Variants in BYSL observed in about 807,000 individuals in gnomAD.
BYSL encodes the protein bystin.
A neutral mutation model predicts 45.4 loss-of-function variants in BYSL; 21 were observed. The ratio of observed to expected loss-of-function variants is 0.46; its 90% CI spans 0.33 to 0.67. The LOEUF (loss-of-function observed/expected upper bound fraction) is 0.67, where lower values mean the gene tolerates loss of function less well. Ranked by LOEUF, BYSL falls within the 30% of genes least tolerant of loss-of-function variation. The pLI, the probability that BYSL is intolerant of heterozygous loss-of-function variation, is 0.02. For missense variants in BYSL, 522 were observed against 578.5 expected (o/e 0.90, Z 1.00); for synonymous variants, 215 against 231.3 (o/e 0.93, Z 0.64).
At chr6:41,916,991 A>T, upstream of BYSL, 1 of 1,600,270 alleles carries the variant, frequency 6.2e-7, no homozygotes, top group Non-Finnish European at 8.5e-7. Flanking sequence ...ACGTGTGCTC[A>T]CTGAGCCATT....
At chr6:41,921,053 T>C (rs772445089), upstream of BYSL, 19 of 1,609,242 alleles carry the variant, frequency 1.2e-5, no homozygotes, top group South Asian at 4.4e-5. Flanking sequence ...AATCACACAG[T>C]AGAAACGCAG....
chr6:41,916,129 T>C, the BYSL span, among the ~76,000 whole-genome samples: 1 of 151,934 alleles, frequency 6.6e-6, no homozygotes, highest in Non-Finnish European at 1.5e-5. Flanking sequence ...ATGCCTGTGG[T>C]CTCAGCTACT....
chr6:41,930,351 C>G (rs1194520192), intron 3 of BYSL, 81 bp downstream of exon 3: 2 of 1,533,224 alleles, frequency 1.3e-6, no homozygotes, highest in Non-Finnish European at 1.8e-6. Flanking sequence ...TGCCTTTTGC[C>G]TGCATCACAT....
chr6:41,916,933 G>C (rs1659922518), upstream of BYSL: 2 of 1,613,772 alleles, frequency 1.2e-6, no homozygotes, highest in Non-Finnish European at 1.7e-6. Flanking sequence ...CAGGCATCTG[G>C]GACACACTGG....
the BYSL span, among the ~76,000 whole-genome samples, chr6:41,909,861 C>T: frequency 1.3e-5 from 2 of 152,130 alleles, no homozygotes; most frequent in Non-Finnish European, 2.9e-5. Flanking sequence ...ACAGACTTTA[C>T]GTATAATCTT....
intron 1 of BYSL, among the ~76,000 whole-genome samples, chr6:41,925,570 A>G (rs1384600905): frequency 6.6e-6 from 1 of 151,832 alleles, no homozygotes; most frequent in Admixed American, 6.6e-5. Flanking sequence ...TCACCGTGTT[A>G]GCCAGGATGG....
intron 3 of BYSL, 42 bp from the exon 4 acceptor site, chr6:41,930,593 A>G: frequency 6.3e-7 from 1 of 1,579,120 alleles, no homozygotes. Context: ...CAAGCTTGCC[A>G]TATGTGGATG....
rs758684663 is a variant in BYSL, at chr6:41,927,468, A to G, written c.363A>G (p.Ala121=). 3.1e-6 allele frequency: 5 copies of G among 1,614,060 alleles called. No homozygotes were observed. The African/African-American group carries it at 6.7e-5, about 22-fold the overall frequency. ...AATMTAAGHH[A]EVVVDPEDER... is the part of the protein sequence containing the mutation. ...CAATGACAGCAGCGGGCCATCATGCAGAGGTGGTTGTGGACCCTGAGGATG... is the reference window on the plus strand; with the variant it reads ...CAATGACAGCAGCGGGCCATCATGCGGAGGTGGTTGTGGACCCTGAGGATG... Residue 121 remains alanine, a synonymous_variant, in exon 2 of 7, where the codon GCA becomes GCG. Coordinates refer to ENST00000230340, the MANE Select transcript of BYSL (RefSeq NM_004053.4).
intron 1 of BYSL, among the ~76,000 whole-genome samples, chr6:41,923,413 C>T (rs1775519531): frequency 6.6e-6 from 1 of 151,974 alleles, no homozygotes; most frequent in Non-Finnish European, 1.5e-5. Context: ...TCTTCTGCCT[C>T]AGCCTTCTGA....
chr6:41,922,959 C>T (rs2127384205), intron 1 of BYSL, among the ~76,000 whole-genome samples: 1 of 152,170 alleles, frequency 6.6e-6, no homozygotes, highest in South Asian at 2.1e-4. Flanking sequence ...CTCTCTCTGT[C>T]TCTCCCTCCC....
chr6:41,918,804 G>T (rs1398321743), upstream of BYSL, among the ~76,000 whole-genome samples: 1 of 149,152 alleles, frequency 6.7e-6, no homozygotes, highest in African/African-American at 2.5e-5. Flanking sequence ...AAAATTAGCC[G>T]GGCGCGGTGG....
At chr6:41,931,864 G>A (rs1008969509) in intron 6 of BYSL, 34 bp downstream of exon 6, 1 of 1,571,354 alleles carries the variant, frequency 6.4e-7, no homozygotes, top group African/African-American at 1.3e-5. Flanking sequence ...GGGCTGGTCA[G>A]TGGATATCCA....
the BYSL span, among the ~76,000 whole-genome samples, chr6:41,914,959 T>G: frequency 6.6e-6 from 1 of 152,072 alleles, no homozygotes; most frequent in Non-Finnish European, 1.5e-5. Context: ...AATTTCAGAG[T>G]GCATAAGGAT....
the BYSL span, among the ~76,000 whole-genome samples, chr6:41,913,555 C>T: frequency 6.6e-6 from 1 of 152,170 alleles, no homozygotes; most frequent in East Asian, 1.9e-4. Context: ...ATTTTATCAA[C>T]AATGATAAAA....
chr6:41,921,524 C>T lies in BYSL; in HGVS notation c.-39C>T, dbSNP rs762395785. On this transcript the variant is annotated 5_prime_UTR_variant, in exon 1 of 7. Transcript: ENST00000230340. ...AAGCGCATCCTGGCCTTTCTTCAGT[C>T]CCCACGTGCGATCCTTCCCGGCAAC... The T allele has an allele frequency of 1.2e-5, 18 of 1,543,164 alleles. No homozygotes were observed. Among genetic ancestry groups the T allele is most frequent in the African/African-American group, 8.2e-5 (6 of 72,920 alleles).
chr6:41,921,884 T>C, intron 1 of BYSL, 54 bp downstream of exon 1: 2 of 1,547,810 alleles, frequency 1.3e-6, no homozygotes, highest in African/African-American at 1.4e-5. Flanking sequence ...TGGGGCGGGG[T>C]GGGCAGCTAA....
Position 41,921,690 on chromosome 6 carries a change from G to T in BYSL, c.128G>T (p.Gly43Val). The T allele has an allele frequency of 6.2e-7, 1 of 1,613,198 alleles. No individual in the cohort carries two copies. Among genetic ancestry groups the T allele is most frequent in the Non-Finnish European group, 8.5e-7 (1 of 1,179,726 alleles). Residue 43 changes from glycine (G) to valine (V), a missense_variant, in exon 1 of 7, where the codon GGA (glycine) becomes GTA (valine). By Grantham distance (109) the Gly-to-Val change is moderately radical. Transcript: ENST00000230340. ...VREKRRGRGT[G>V]EAEEEYVGPR... is the part of the protein sequence containing the mutation. ...GAGAAGCGGCGGGGTCGCGGGACAG[G>T]AGAAGCGGAGGAAGAGTATGTGGGG... is the stretch of plus-strand genomic sequence containing the variant.
Position 41,927,379 on chromosome 6 carries a change from A to G in BYSL, c.274A>G (p.Arg92Gly). The G allele has an allele frequency of 1.2e-6, 2 of 1,614,070 alleles. No individual in the cohort carries two copies. Among genetic ancestry groups the G allele is most frequent in the Non-Finnish European group, 1.7e-6 (2 of 1,179,972 alleles). Residue 92 changes from arginine to glycine, a missense_variant, in exon 2 of 7, where the codon AGA becomes GGA. Physicochemically the swap from Arg to Gly is moderately radical, Grantham distance 125. Coordinates refer to ENST00000230340, the MANE Select transcript of BYSL (RefSeq NM_004053.4). ...PRERTTRLGP[R>G]MPQDGSDDED... ...TTTAGTCTCCCCTCTTCTAGGTCCA[A>G]GAATGCCTCAGGATGGATCAGATGA... is the stretch of plus-strand genomic sequence containing the variant.
chr6:41,920,931 G>A, upstream of BYSL: 3 of 1,557,660 alleles, frequency 1.9e-6, no homozygotes, highest in Non-Finnish European at 2.6e-6. Context: ...GAGGACGGCG[G>A]ACCATGGTCA....
Sources: allele counts gnomAD v4.1 joint callset (sites outside exome capture counted in the v4.1 genomes callset), GRCh38; gene constraint gnomAD v4.1.1; transcripts MANE v1.5; gene names NCBI Gene and HGNC (gene_info 2026-07-23, HGNC 2026-07-21).